Variants in PPP6R2 observed in about 807,000 individuals in gnomAD.
The protein encoded by PPP6R2 is protein phosphatase 6 regulatory subunit 2, also known as serine/threonine-protein phosphatase 6 regulatory subunit 2.
PPP6R2 carries 62 observed loss-of-function variants against 100.2 expected under a neutral mutation model. The ratio of observed to expected loss-of-function variants is 0.62; its 90% confidence interval spans 0.50 to 0.76. The LOEUF is 0.76. Ranked by LOEUF, PPP6R2 falls within the 30% of genes least tolerant of loss-of-function variation. The pLI, the probability that PPP6R2 is intolerant of heterozygous loss-of-function variation, is 0.00. For synonymous variants in PPP6R2, 525 were observed against 514.7 expected (o/e 1.02, Z -0.27); for missense variants, 1,142 against 1,276.3 (o/e 0.89, Z 1.60).
At chr22:50,371,222 G>A (rs2050131484) in intron 1 of PPP6R2, among the ~76,000 whole-genome samples, 1 of 152,170 alleles carries the variant, frequency 6.6e-6, no homozygotes, top group Non-Finnish European at 1.5e-5. Flanking sequence ...CAGGCACAGT[G>A]GTTTGTGCTT....
intron 3 of PPP6R2, among the ~76,000 whole-genome samples, chr22:50,394,587 GAAACCCTGTCTTTAAAAAAAAAAAA>G (rs2056344088): frequency 1.7e-5 from 2 of 116,360 alleles, no homozygotes; most frequent in Admixed American, 1.1e-4. Flanking sequence ...TGACAAGAGT[GAAACCCTGTCTTTAAAAAAAAAAAA>G]AAAAAAAAAA....
chr22:50,438,489 C>A, intron 18 of PPP6R2, 110 bp from the exon 19 acceptor site: 2 of 1,454,224 alleles, frequency 1.4e-6, no homozygotes, highest in Non-Finnish European at 1.9e-6. Flanking sequence ...GTGCTCCTCT[C>A]TCGAGACGAT....
At chr22:50,349,979 G>A (rs976198679) in intron 1 of PPP6R2, among the ~76,000 whole-genome samples, 2 of 151,896 alleles carry the variant, frequency 1.3e-5, no homozygotes, top group Non-Finnish European at 2.9e-5. Flanking sequence ...TTAGCCAGGC[G>A]TGGTGGTGCA....
chr22:50,386,535 C>T (rs537244813), intron 2 of PPP6R2, among the ~76,000 whole-genome samples: 2 of 152,240 alleles, frequency 1.3e-5, no homozygotes, highest in African/African-American at 4.8e-5. Context: ...AGGTACAAAC[C>T]GAGCTTCTGC....
intron 3 of PPP6R2, among the ~76,000 whole-genome samples, chr22:50,396,180 A>G (rs2056783977): frequency 7.7e-6 from 1 of 129,664 alleles, no homozygotes; most frequent in African/African-American, 2.9e-5. Context: ...TGGGCAACAG[A>G]GCAAGACTCT....
At chr22:50,432,157 C>G (rs1299548852) in intron 11 of PPP6R2, 108 bp from the exon 12 acceptor site, 1 of 1,014,370 alleles carries the variant, frequency 9.9e-7, no homozygotes, top group African/African-American at 1.6e-5. Flanking sequence ...CCTGCAAAGT[C>G]CACACAGACG....
At chr22:50,437,626 CTG>C in intron 16 of PPP6R2, 23 bp downstream of exon 16, 1 of 1,562,750 alleles carries the variant, frequency 6.4e-7, no homozygotes, top group African/African-American at 1.4e-5. Flanking sequence ...GGAGCGCACT[CTG>C]CACGAGGCGC....
rs1376709537 is a variant in PPP6R2, at chr22:50,419,599, CT to C, written c.845+139del. ...CAAGTAACAACATGGATAGATTCCC[CT>C]TGTTGAAGGCTTGACTTTATGGCTG... On this transcript the variant is annotated intron_variant, in intron 8 of 23. Coordinates refer to ENST00000612753, the MANE Select transcript of PPP6R2 (RefSeq NM_001242898.2). The C allele has an allele frequency of 7.5e-6, 5 of 663,378 alleles. No homozygotes were observed. In the African/African-American group the frequency reaches 9.0e-5, roughly 12 times the overall value. The allele number at this position is 663,378 out of a possible 1,614,324, so 41.1% of individuals were successfully genotyped here. A position where few individuals can be genotyped will look rare whatever the true frequency, so the allele number is the denominator to read the frequency against.
chr22:50,393,694 C>T, intron 2 of PPP6R2, 199 bp from the exon 3 acceptor site: 1 of 979,820 alleles, frequency 1.0e-6, no homozygotes, highest in East Asian at 1.1e-4. Flanking sequence ...GGAATGGTTA[C>T]TGGGGAGGGC....
chr22:50,435,081 G>A lies in PPP6R2; in HGVS notation c.1516G>A (p.Gly506Arg), dbSNP rs1402721822. Residue 506 changes from glycine (G) to arginine (R), a missense_variant and splice_region_variant, in exon 13 of 24, where the codon GGG becomes AGG. Physicochemically the swap from Gly to Arg is moderately radical, Grantham distance 125. Around this residue, in one of 2 missense-constraint regions of PPP6R2, gnomAD observed 592 missense variants for 758.9 expected, o/e 0.78. Coordinates refer to ENST00000612753, the MANE Select transcript of PPP6R2 (RefSeq NM_001242898.2). Reference protein sequence around the residue: ...VQTHISEVIRGLPADCRGRWE... With the variant: ...VQTHISEVIRRLPADCRGRWE... ...GACGCACATCAGCGAGGTCATCCGA[G>A]GTGAGCCCCCAACCCGGTCATCCTT... is the stretch of plus-strand genomic sequence containing the variant. 1 of 1,538,140 alleles carries A rather than the reference G, an allele frequency of 6.5e-7. No homozygotes were observed.
intron 2 of PPP6R2, among the ~76,000 whole-genome samples, chr22:50,384,247 AC>A (rs1252410311): frequency 3.3e-5 from 5 of 152,030 alleles, no homozygotes; most frequent in African/African-American, 1.2e-4. Flanking sequence ...TGTTTAGAAT[AC>A]CTGAGACTGG....
chr22:50,337,705 G>A, the PPP6R2 span, among the ~76,000 whole-genome samples: 27 of 135,426 alleles, frequency 2.0e-4, no homozygotes, highest in East Asian at 7.1e-4. Context: ...GTGTGTGTGC[G>A]GTGTGGTATA....
intron 19 of PPP6R2, 95 bp from the exon 20 acceptor site, chr22:50,439,606 C>A: frequency 7.3e-7 from 1 of 1,372,834 alleles, no homozygotes; most frequent in Non-Finnish European, 9.7e-7. Context: ...TCCTGTCAAC[C>A]TCTGAGGGGC....
intron 2 of PPP6R2, among the ~76,000 whole-genome samples, chr22:50,379,036 A>G (rs1469683734): frequency 6.6e-6 from 1 of 152,172 alleles, no homozygotes; most frequent in Non-Finnish European, 1.5e-5. Flanking sequence ...ATCTGTGAAA[A>G]TTAGGTCCTC....
At chr22:50,389,586 C>G (rs1035307692) in intron 2 of PPP6R2, among the ~76,000 whole-genome samples, 1 of 147,936 alleles carries the variant, frequency 6.8e-6, no homozygotes, top group African/African-American at 2.5e-5. Context: ...TGGAGTCTCG[C>G]GCTGTCGCCC....
chr22:50,371,398 T>G (rs1229220306), intron 1 of PPP6R2, among the ~76,000 whole-genome samples: 1 of 151,906 alleles, frequency 6.6e-6, no homozygotes, highest in Non-Finnish European at 1.5e-5. Flanking sequence ...AGGTTGGAAA[T>G]GGAGCACATC....
In PPP6R2 at chr22:50,375,516, CTG is replaced by C. The variant is rs1337249647; in HGVS notation, c.-17+3367_-17+3368del. On this transcript the variant is annotated intron_variant, in intron 2 of 23. Transcript: ENST00000612753. The stretch of plus-strand genomic sequence containing the variant: ...AGACCCTCCCCACACCGATGGAACT[CTG>C]AAGGGCTCTATCCTCAAGGTGTGAG... Among the ~76,000 whole-genome samples, 5 of 152,140 alleles carry C rather than the reference CTG, an allele frequency of 3.3e-5. No individual in the cohort carries two copies. The East Asian group carries it at 9.6e-4, about 29-fold the overall frequency.
At chr22:50,400,309 G>A (rs758188265) in intron 3 of PPP6R2, among the ~76,000 whole-genome samples, 10 of 152,202 alleles carry the variant, frequency 6.6e-5, no homozygotes, top group Non-Finnish European at 7.3e-5. Context: ...CCTCTTCTTC[G>A]GTTGACTTCC....
intron 3 of PPP6R2, among the ~76,000 whole-genome samples, chr22:50,397,366 T>A (rs1228770644): frequency 6.6e-6 from 1 of 152,114 alleles, no homozygotes; most frequent in Non-Finnish European, 1.5e-5. Context: ...GAGAGGGAAG[T>A]CGGGTGGTGG....
Sources: gnomAD v4.1 joint callset for allele counts (sites outside exome capture counted in the v4.1 genomes callset) on GRCh38, gnomAD v4.1.1 for gene constraint, gnomAD v4.1.1 regional missense constraint, MANE v1.5 for transcripts, NCBI Gene and HGNC (gene_info 2026-07-23, HGNC 2026-07-21) for gene names.